CNTN3: variants seen among roughly 807,000 people sequenced by gnomAD.
CNTN3 encodes contactin 3.
In CNTN3, 60 loss-of-function variants were observed where a neutral mutation model predicts 119.1. The ratio of observed to expected loss-of-function variants is 0.50; its 90% CI spans 0.41 to 0.62. The LOEUF is 0.62. CNTN3 is among the 20% of genes least tolerant of loss of function. CNTN3 has a pLI of 0.00. For synonymous variants in CNTN3, 450 were observed against 438.7 expected, an observed-to-expected ratio of 1.03 and a Z score of -0.32; for missense variants, 1,101 against 1,242.4, an observed-to-expected ratio of 0.89 and a Z score of 1.71.
intron 19 of CNTN3, 37 bp from the exon 20 acceptor site, chr3:74,285,528 A>C (rs1702094164): frequency 3.2e-6 from 5 of 1,559,416 alleles, no homozygotes; most frequent in Non-Finnish European, 4.3e-6. Context: ...TGAAGGCTTA[A>C]AAAATTCTGC....
chr3:74,396,857 C>G (rs941464246), intron 5 of CNTN3, among the ~76,000 whole-genome samples: 3 of 151,034 alleles, frequency 2.0e-5, no homozygotes, highest in African/African-American at 7.3e-5. Context: ...CCATAACATA[C>G]AAGTGCAAGG....
rs921675789 is a variant in CNTN3, at chr3:74,614,453, GCCGCCGCCGCCA to G, written c.-155_-144del. ...CCCACTCGCCGCCGCCGCCGCCGCC[GCCGCCGCCGCCA>G]CCGCCGCCGCCGCAGTTAGTCCGGG... is the stretch of plus-strand genomic sequence containing the variant. On this transcript the variant is annotated 5_prime_UTR_variant, in exon 1 of 23. Transcript: ENST00000263665. 2.2e-3 allele frequency among the ~76,000 whole-genome samples: 312 copies of G among 142,640 alleles called. 15 individuals carry two copies. The South Asian group carries it at 0.063, about 29-fold the overall frequency. The allele number at this position is 142,640 out of a possible 152,430, so 93.6% of individuals were successfully genotyped here. A position where few individuals can be genotyped will look rare whatever the true frequency, so the allele number is the denominator to read the frequency against.
chr3:74,507,119 T>C (rs948006812), intron 2 of CNTN3, among the ~76,000 whole-genome samples: 2 of 152,212 alleles, frequency 1.3e-5, no homozygotes, highest in Non-Finnish European at 2.9e-5. Flanking sequence ...ATGGAGAAGC[T>C]ATTAAGAACT....
At chr3:74,349,122 T>C (rs1433225612) in intron 11 of CNTN3, among the ~76,000 whole-genome samples, 1 of 151,600 alleles carries the variant, frequency 6.6e-6, no homozygotes, top group African/African-American at 2.4e-5. Context: ...TGATTTGTTA[T>C]GCAGCAAAAG....
chr3:74,319,096 T>C (rs1420661653), intron 13 of CNTN3, among the ~76,000 whole-genome samples: 1 of 152,140 alleles, frequency 6.6e-6, no homozygotes, highest in Non-Finnish European at 1.5e-5. Context: ...CTGCCCAAGG[T>C]AATTTATAGA....
intron 13 of CNTN3, among the ~76,000 whole-genome samples, chr3:74,310,333 T>C (rs1245721293): frequency 6.6e-6 from 1 of 152,242 alleles, no homozygotes; most frequent in African/African-American, 2.4e-5. Flanking sequence ...TATAACAAAT[T>C]ACCCCAAACC....
chr3:74,471,452 C>G (rs1049814869), intron 4 of CNTN3, among the ~76,000 whole-genome samples: 4 of 152,156 alleles, frequency 2.6e-5, no homozygotes, highest in African/African-American at 9.7e-5. Context: ...ATCATGAACT[C>G]TATAAACAAA....
At chr3:74,505,324 T>C (rs1344539728) in intron 2 of CNTN3, among the ~76,000 whole-genome samples, 2 of 152,136 alleles carry the variant, frequency 1.3e-5, no homozygotes, top group Non-Finnish European at 2.9e-5. Context: ...ACTCTGATTT[T>C]GTTTTGAAGT....
At chr3:74,346,001 C>T (rs1357072218) in intron 11 of CNTN3, among the ~76,000 whole-genome samples, 2 of 152,212 alleles carry the variant, frequency 1.3e-5, no homozygotes, top group Non-Finnish European at 2.9e-5. Flanking sequence ...AACTGGAACA[C>T]TGGCATATTT....
intron 11 of CNTN3, among the ~76,000 whole-genome samples, chr3:74,338,452 GCA>G (rs1300478719): frequency 2.0e-5 from 3 of 147,546 alleles, no homozygotes; most frequent in African/African-American, 7.7e-5. Flanking sequence ...ATACACACGT[GCA>G]CATATGTGTA....
At chr3:74,525,559 T>C (rs1256128513) in intron 1 of CNTN3, among the ~76,000 whole-genome samples, 2 of 151,794 alleles carry the variant, frequency 1.3e-5, no homozygotes, top group Non-Finnish European at 2.9e-5. Context: ...AATCAAAATA[T>C]CATCTGCTAC....
At chr3:74,468,218 T>C (rs1702498669) in intron 4 of CNTN3, among the ~76,000 whole-genome samples, 1 of 152,218 alleles carries the variant, frequency 6.6e-6, no homozygotes, top group Non-Finnish European at 1.5e-5. Flanking sequence ...ATGATACATA[T>C]AACATGTTTT....
intron 1 of CNTN3, among the ~76,000 whole-genome samples, chr3:74,549,681 C>T (rs1703962291): frequency 6.6e-6 from 1 of 152,062 alleles, no homozygotes; most frequent in South Asian, 2.1e-4. Flanking sequence ...AACCTGTGCA[C>T]CAGGGGACAC....
intron 4 of CNTN3, among the ~76,000 whole-genome samples, chr3:74,476,067 G>A (rs984595527): frequency 1.3e-5 from 2 of 152,112 alleles, no homozygotes; most frequent in African/African-American, 2.4e-5. Flanking sequence ...ATGCCCTACG[G>A]AGAAAATATA....
intron 19 of CNTN3, among the ~76,000 whole-genome samples, chr3:74,294,908 C>CT (rs938418078): frequency 1.5e-4 from 23 of 152,126 alleles, no homozygotes; most frequent in African/African-American, 5.3e-4. Flanking sequence ...CTTTCATATT[C>CT]TTTTTTTATT....
chr3:74,267,388 C>A lies in CNTN3; in HGVS notation c.2705-10G>T. 2 of 1,575,724 alleles carry A rather than the reference C, an allele frequency of 1.3e-6. No homozygotes were observed. Among genetic ancestry groups the A allele is most frequent in the South Asian group, 1.1e-5 (1 of 90,264 alleles). On this transcript the variant is annotated splice_polypyrimidine_tract_variant and intron_variant, in intron 20 of 22. Coordinates refer to ENST00000263665, the MANE Select transcript of CNTN3 (RefSeq NM_020872.3). ...GGTGGCTGACTGGGAGCTTGAAATG[C>A]AAAATGAGAAATTTTAAAACAGATC...
chr3:74,297,908 CA>C, intron 18 of CNTN3, 48 bp downstream of exon 18: 1 of 1,429,596 alleles, frequency 7.0e-7, no homozygotes, highest in Non-Finnish European at 9.7e-7. Context: ...TTTTGGAGCA[CA>C]AATAATTATT....
At chr3:74,389,489 G>T (rs1004500759) in intron 5 of CNTN3, among the ~76,000 whole-genome samples, 1 of 152,148 alleles carries the variant, frequency 6.6e-6, no homozygotes, top group African/African-American at 2.4e-5. Flanking sequence ...ACTGAGAAAA[G>T]TATTTTATAG....
intron 19 of CNTN3, among the ~76,000 whole-genome samples, chr3:74,293,283 A>G (rs576176389): frequency 1.9e-3 from 282 of 152,220 alleles, no homozygotes; most frequent in Non-Finnish European, 9.1e-4. Flanking sequence ...TCTATTCCCT[A>G]TCCTTTCTTT....
Sources: allele counts gnomAD v4.1 joint callset (sites outside exome capture counted in the v4.1 genomes callset), GRCh38; gene constraint gnomAD v4.1.1; transcripts MANE v1.5; gene names NCBI Gene and HGNC (gene_info 2026-07-23, HGNC 2026-07-21).